P4HTM: variants seen among roughly 807,000 people sequenced by gnomAD.
P4HTM encodes prolyl 4-hydroxylase, transmembrane.
P4HTM carries 33 observed loss-of-function variants against 55.3 expected under a neutral mutation model. The observed-to-expected ratio is 0.60, with a 90% CI of 0.45 to 0.80. The LOEUF (loss-of-function observed/expected upper bound fraction) is 0.80. Among genes scored for constraint, P4HTM ranks in the 30% least tolerant of loss-of-function variants. The pLI is 0.00. For missense variants in P4HTM, 542 were observed against 696.5 expected (o/e 0.78, Z 2.50); for synonymous variants, 272 against 286.4 (o/e 0.95, Z 0.51).
Position 48,990,461 on chromosome 3 carries a change from CACCTGT to C in P4HTM, c.211_216del (p.Tyr71_Leu72del). ...CTTCCTGGTGCTGATGGTGTTCGTG[CACCTGT>C]ACCTGGGTAACGTGCTGGCGCTGCT... On this transcript the variant is annotated inframe_deletion, in exon 1 of 9. Transcript: ENST00000383729. The surrounding 1 kb of genome is among the most constrained non-coding windows in gnomAD (Gnocchi z 7.2). 5 of 1,610,992 alleles carry C rather than the reference CACCTGT, an allele frequency of 3.1e-6. No individual in the cohort carries two copies. Among genetic ancestry groups the C allele is most frequent in the Non-Finnish European group, 2.5e-6 (3 of 1,179,398 alleles).
At position 49,002,676 on chromosome 3, in the gene P4HTM, C is replaced by T. The variant is rs1344877776; in HGVS notation, c.724+80C>T. On this transcript the variant is annotated intron_variant, in intron 4 of 8. Transcript: ENST00000383729. The surrounding 1 kb of genome is among the most constrained non-coding windows in gnomAD (Gnocchi z 4.4). ...GGTGCACAATTTTGAAAACTTGGGC[C>T]CTTCCCCCACAGCCAGGCAGCCTCT... The T allele has an allele frequency of 9.4e-7, 1 of 1,064,434 alleles. No individual in the cohort carries two copies. Among genetic ancestry groups the T allele is most frequent in the Admixed American group, 1.7e-5 (1 of 58,682 alleles). 65.9% of individuals were successfully genotyped at this position (1,064,434 alleles called of 1,614,324 possible).
intron 8 of P4HTM, among the ~76,000 whole-genome samples, 177 bp downstream of exon 8, chr3:49,006,364 G>T (rs2092981366): frequency 6.6e-6 from 1 of 152,220 alleles, no homozygotes; most frequent in African/African-American, 2.4e-5. Context: ...GACCTGTACT[G>T]CTTATTGGGT....
rs1245852407 is a variant in P4HTM, at chr3:48,999,615, C to T, written c.437-1823C>T. The T allele has an allele frequency of 1.8e-5, 3 of 167,400 alleles. No individual in the cohort carries two copies. In the East Asian group the frequency reaches 5.8e-4, roughly 32 times the overall value. 10.4% of individuals were successfully genotyped at this position (167,400 alleles called of 1,614,324 possible). A position where few individuals can be genotyped will look rare whatever the true frequency, so the allele number is the denominator to read the frequency against. ...CACCCAGGGAGCCAACAGAGGAGATCCTGCAGGGGTTTGCACAGCTCCGAG... is the reference window on the plus strand; with the variant it reads ...CACCCAGGGAGCCAACAGAGGAGATTCTGCAGGGGTTTGCACAGCTCCGAG... On this transcript the variant is annotated intron_variant, in intron 2 of 8. Transcript: ENST00000383729. This position sits in a 1 kb window ranked among gnomAD's most constrained non-coding sequence, Gnocchi z 4.8.
In P4HTM at chr3:48,999,526, A is replaced by G. The variant is rs1230311535; in HGVS notation, c.437-1912A>G. ...CACCAGCAGCCACAGCCCCTGCTCC[A>G]TCACTGCCTTCTGTGCCTTGGCCTT... On this transcript the variant is annotated intron_variant, in intron 2 of 8. Transcript: ENST00000383729. This position sits in a 1 kb window ranked among gnomAD's most constrained non-coding sequence, Gnocchi z 4.8. The G allele has an allele frequency of 3.0e-5, 5 of 167,792 alleles. No individual in the cohort carries two copies. The highest frequency in any genetic ancestry group is 3.8e-4 in the East Asian group (2 of 5,202). The allele number at this position is 167,792 out of a possible 1,614,324, so 10.4% of individuals were successfully genotyped here. A position where few individuals can be genotyped will look rare whatever the true frequency, so the allele number is the denominator to read the frequency against.
Position 48,990,460 on chromosome 3 carries a change from G to T in P4HTM, c.204G>T (p.Val68=). The change falls in exon 1 of 9, where the codon GTG becomes GTT. Residue 68 remains valine (V), a synonymous_variant. Coordinates refer to ENST00000383729, the MANE Select transcript of P4HTM (RefSeq NM_177939.3). The surrounding 1 kb of genome is among the most constrained non-coding windows in gnomAD (Gnocchi z 7.2). ...RAYFLVLMVF[V]HLYLGNVLAL... is the part of the protein sequence containing the mutation. ...ACTTCCTGGTGCTGATGGTGTTCGT[G>T]CACCTGTACCTGGGTAACGTGCTGG... The T allele has an allele frequency of 6.2e-7, 1 of 1,610,896 alleles. No homozygotes were observed.
In P4HTM at chr3:49,005,883, G is replaced by C. The variant is rs773698055; in HGVS notation, c.1164+16G>C. ...CGATGAAATGGTAAGGGTCAACTGG[G>C]CTATTACTCTTGTGGGCTGGCAGGG... On this transcript the variant is annotated intron_variant, in intron 7 of 8. Transcript: ENST00000383729. The C allele has an allele frequency of 3.3e-6, 5 of 1,537,152 alleles. No individual in the cohort carries two copies. The highest frequency in any genetic ancestry group is 4.4e-6 in the Non-Finnish European group (5 of 1,138,348).
rs1241745961 is a variant in P4HTM at position 48,990,787 on chromosome 3, A to T, written c.355-46A>T. On this transcript the variant is annotated intron_variant, in intron 1 of 8. Coordinates refer to ENST00000383729, the MANE Select transcript of P4HTM (RefSeq NM_177939.3). This position sits in a 1 kb window ranked among gnomAD's most constrained non-coding sequence, Gnocchi z 7.2. ...CGGGGCGACTTGGCCCTTCTTGGGCAGCGCGGTCTGGCGCCCCAGCTGCCC... is the reference window on the plus strand; with the variant it reads ...CGGGGCGACTTGGCCCTTCTTGGGCTGCGCGGTCTGGCGCCCCAGCTGCCC... The T allele has an allele frequency of 6.3e-7, 1 of 1,581,388 alleles. No homozygotes were observed. The highest frequency in any genetic ancestry group is 2.2e-5 in the East Asian group (1 of 44,474).
upstream of P4HTM, chr3:48,990,215 C>A: frequency 1.7e-6 from 2 of 1,147,396 alleles, no homozygotes; most frequent in Non-Finnish European, 2.1e-6. This position sits in a 1 kb window ranked among gnomAD's most constrained non-coding sequence, Gnocchi z 7.2. Context: ...GCGCGGGCAC[C>A]CCCGCGGCCC....
chr3:49,005,321 G>T (rs1156360914), intron 6 of P4HTM: 1 of 1,433,644 alleles, frequency 7.0e-7, no homozygotes, highest in Non-Finnish European at 9.1e-7. Context: ...AAGGGGCAAG[G>T]CTGGGCCCCT....
At chr3:48,998,806 A>T (rs550969035) in intron 2 of P4HTM, among the ~76,000 whole-genome samples, 1 of 152,238 alleles carries the variant, frequency 6.6e-6, no homozygotes, top group East Asian at 1.9e-4. Context: ...CTTGGGAGAA[A>T]CCATTGTTCA....
At chr3:48,997,428 T>C (rs1428577568) in intron 2 of P4HTM, 1 of 152,382 alleles carries the variant, frequency 6.6e-6, no homozygotes, top group Admixed American at 6.5e-5. Flanking sequence ...GCTCCAGCTC[T>C]GCAGGGGGCA....
In P4HTM at chr3:49,007,141, T is replaced by C. The variant is rs1336683982; in HGVS notation, c.*234T>C. 2.8e-6 allele frequency: 2 copies of C among 723,204 alleles called. No homozygotes were observed. Among genetic ancestry groups the C allele is most frequent in the African/African-American group, 3.6e-5 (2 of 56,138 alleles). 44.8% of individuals were successfully genotyped at this position (723,204 alleles called of 1,614,324 possible). On this transcript the variant is annotated 3_prime_UTR_variant, in exon 9 of 9. Coordinates refer to ENST00000383729, the MANE Select transcript of P4HTM (RefSeq NM_177939.3). This position sits in a 1 kb window ranked among gnomAD's most constrained non-coding sequence, Gnocchi z 5.1. ...GCCGCCGGGCCCGACAAACTCCGGG[T>C]CGGCGAAACAGAGTCCGCGATAGGT...
At position 49,006,817 on chromosome 3, in the gene P4HTM, G is replaced by A. The variant is rs773112499; in HGVS notation, c.1419G>A (p.Glu473=). 2.5e-6 allele frequency: 4 copies of A among 1,613,332 alleles called. No homozygotes were observed. Among genetic ancestry groups the A allele is most frequent in the Non-Finnish European group, 3.4e-6 (4 of 1,180,050 alleles). The change falls in exon 9 of 9, where the codon GAG becomes GAA. Residue 473 remains glutamate, a synonymous_variant. Coordinates refer to ENST00000383729, the MANE Select transcript of P4HTM (RefSeq NM_177939.3). ...SRARQALFQQ[E]MARLAREGGT... is the part of the protein sequence containing the mutation. ...CGCGGCAAGCGCTGTTCCAACAGGAGATGGCCCGCCTTGCCCGAGAAGGGG... is the reference window on the plus strand; with the variant it reads ...CGCGGCAAGCGCTGTTCCAACAGGAAATGGCCCGCCTTGCCCGAGAAGGGG...
rs1226628137 is a variant in P4HTM at position 48,999,843 on chromosome 3, TAAGC to T, written c.437-1592_437-1589del. 6.6e-6 allele frequency: 1 copy of T among 152,286 alleles called. No homozygotes were observed. Among genetic ancestry groups the T allele is most frequent in the Non-Finnish European group, 1.5e-5 (1 of 68,058 alleles). 9.4% of individuals were successfully genotyped at this position (152,286 alleles called of 1,614,324 possible). On this transcript the variant is annotated intron_variant, in intron 2 of 8. Coordinates refer to ENST00000383729, the MANE Select transcript of P4HTM (RefSeq NM_177939.3). This position sits in a 1 kb window ranked among gnomAD's most constrained non-coding sequence, Gnocchi z 4.8. ...TTCTTTCTTTTTAAATTTTGTGTGT[TAAGC>T]AATCAAGAGGTGACTCTGTTGATTT... is the stretch of plus-strand genomic sequence containing the variant.
chr3:49,006,447 T>C (rs2092981924), intron 8 of P4HTM, among the ~76,000 whole-genome samples: 1 of 152,198 alleles, frequency 6.6e-6, no homozygotes, highest in African/African-American at 2.4e-5. Context: ...TGTCCCTTGC[T>C]AACCCAGGAT....
intron 2 of P4HTM, chr3:48,992,108 T>G (rs1429957381): frequency 1.3e-5 from 2 of 152,188 alleles, no homozygotes; most frequent in Non-Finnish European, 2.9e-5. Context: ...TTGAAGTCTG[T>G]GCCAGGCACT....
intron 2 of P4HTM, among the ~76,000 whole-genome samples, chr3:49,000,855 A>G (rs2092958960): frequency 6.6e-6 from 1 of 152,184 alleles, no homozygotes; most frequent in Non-Finnish European, 1.5e-5. Context: ...CTTTTCAGAG[A>G]CCAGTATCTG....
chr3:49,003,234 G>A, intron 4 of P4HTM: 1 of 194,480 alleles, frequency 5.1e-6, no homozygotes, highest in South Asian at 9.8e-5. Context: ...GGAAGATACA[G>A]CAGTTAGAAA....
chr3:48,990,194 G>T (rs949142730), upstream of P4HTM: 1 of 1,112,608 alleles, frequency 9.0e-7, no homozygotes, highest in African/African-American at 1.7e-5. The surrounding 1 kb of genome is among the most constrained non-coding windows in gnomAD (Gnocchi z 7.2). Context: ...CGTTGTCCGG[G>T]CGACTGCGCA....
Sources: allele counts gnomAD v4.1 joint callset (sites outside exome capture counted in the v4.1 genomes callset), GRCh38; gene constraint gnomAD v4.1.1; non-coding constraint Gnocchi (gnomAD v3.1); transcripts MANE v1.5; gene names NCBI Gene and HGNC (gene_info 2026-07-23, HGNC 2026-07-21).